Variants in MRPS6 observed in about 807,000 individuals in gnomAD.
The protein encoded by MRPS6 is small ribosomal subunit protein bS6m.
Under a neutral mutation model 13.1 loss-of-function variants are expected in MRPS6, and 6 were observed. The observed-to-expected ratio is 0.46, with a 90% CI of 0.25 to 0.91. MRPS6 has a LOEUF of 0.91. Ranked by LOEUF, MRPS6 falls within the 40% of genes least tolerant of loss-of-function variation. MRPS6 has a pLI of 0.18. For missense variants in MRPS6, 164 were observed against 155.6 expected, an observed-to-expected ratio of 1.05 and a Z score of -0.29; for synonymous variants, 61 against 56.5, an observed-to-expected ratio of 1.08 and a Z score of -0.36.
intron 2 of MRPS6, among the ~76,000 whole-genome samples, chr21:34,135,046 A>G (rs918110079): frequency 3.3e-5 from 5 of 151,974 alleles, no homozygotes; most frequent in African/African-American, 1.2e-4. Context: ...ATGGTATTGG[A>G]CCCCTTTTAC....
intron 1 of MRPS6, among the ~76,000 whole-genome samples, 157 bp downstream of exon 1, chr21:34,073,902 G>A (rs1480012027): frequency 6.9e-6 from 1 of 145,736 alleles, no homozygotes; most frequent in Non-Finnish European, 1.5e-5. Flanking sequence ...TCCGCGGGAA[G>A]GGGGCGCGCG....
At chr21:34,101,331 A>G in intron 1 of MRPS6, 1 of 1,000,184 alleles carries the variant, frequency 1.0e-6, no homozygotes, top group African/African-American at 1.7e-5. Context: ...AGCTTTTTAA[A>G]CCCTGGTTTG....
intron 1 of MRPS6, among the ~76,000 whole-genome samples, chr21:34,117,863 A>T (rs1233738965): frequency 6.6e-6 from 1 of 152,064 alleles, no homozygotes; most frequent in African/African-American, 2.4e-5. Context: ...CCCCATAAAG[A>T]TGCGTGATGT....
chr21:34,135,723 G>A lies in MRPS6; in HGVS notation c.186-6685G>A, dbSNP rs1980672633. 3 of 418,314 alleles carry A rather than the reference G, an allele frequency of 7.2e-6. No homozygotes were observed. In the East Asian group the frequency reaches 1.8e-4, roughly 25 times the overall value. The allele number at this position is 418,314 out of a possible 1,614,324, so 25.9% of individuals were successfully genotyped here. ...TGATGGTGTTCACCAGGACCTGGAGGTGAGGGTTCTCGCCTGTGAGCAGGT... is the reference window on the plus strand; with the variant it reads ...TGATGGTGTTCACCAGGACCTGGAGATGAGGGTTCTCGCCTGTGAGCAGGT... On this transcript the variant is annotated intron_variant, in intron 2 of 2. Coordinates refer to ENST00000399312, the MANE Select transcript of MRPS6 (RefSeq NM_032476.4).
intron 2 of MRPS6, chr21:34,135,794 T>C: frequency 1.9e-6 from 1 of 520,868 alleles, no homozygotes; most frequent in Non-Finnish European, 3.8e-6. Context: ...GTCATGAGCT[T>C]CTTGCTGTTG....
At chr21:34,106,857 A>G (rs781225424) in intron 1 of MRPS6, among the ~76,000 whole-genome samples, 7 of 151,768 alleles carry the variant, frequency 4.6e-5, no homozygotes, top group Non-Finnish European at 1.0e-4. Flanking sequence ...AGTTCATTGC[A>G]TTTAGCTTTT....
At chr21:34,074,329 T>TA (rs991387476) in intron 1 of MRPS6, among the ~76,000 whole-genome samples, 22 of 151,860 alleles carry the variant, frequency 1.4e-4, no homozygotes, top group East Asian at 5.8e-4. Flanking sequence ...GCTCTCATGT[T>TA]AAAAAAAAAT....
intron 1 of MRPS6, among the ~76,000 whole-genome samples, chr21:34,116,674 G>A (rs573307592): frequency 1.9e-3 from 294 of 152,182 alleles, no homozygotes; most frequent in African/African-American, 6.9e-3. Flanking sequence ...CTAGTTGACT[G>A]CCTGGCTCTA....
chr21:34,101,384 G>T, intron 1 of MRPS6: 2 of 1,000,150 alleles, frequency 2.0e-6, no homozygotes, highest in Non-Finnish European at 2.4e-6. Flanking sequence ...CCACAGTAGA[G>T]ATAATTTAGT....
At chr21:34,129,253 G>A (rs1238392169) in intron 2 of MRPS6, among the ~76,000 whole-genome samples, 2 of 152,066 alleles carry the variant, frequency 1.3e-5, no homozygotes, top group Admixed American at 1.3e-4. Context: ...AGGGCTGCAC[G>A]GAGCTTATGG....
intron 2 of MRPS6, among the ~76,000 whole-genome samples, chr21:34,140,073 T>C (rs956610752): frequency 1.3e-5 from 2 of 152,192 alleles, no homozygotes; most frequent in African/African-American, 4.8e-5. Context: ...ATCTTCTCCA[T>C]GAACTAGTGT....
chr21:34,073,683 C>T lies in MRPS6; in HGVS notation c.-18C>T, dbSNP rs751080694. The T allele has an allele frequency of 1.3e-6, 2 of 1,517,124 alleles. No individual in the cohort carries two copies. The highest frequency in any genetic ancestry group is 1.8e-6 in the Non-Finnish European group (2 of 1,124,926). The allele number at this position is 1,517,124 out of a possible 1,614,324, so 94.0% of individuals were successfully genotyped here. ...GGAACCGGCTGGCTTCCGAGCCGCA[C>T]TCGCCGATCCTCCAGGCATGCCCCG... On this transcript the variant is annotated 5_prime_UTR_variant, in exon 1 of 3. Coordinates refer to ENST00000399312, the MANE Select transcript of MRPS6 (RefSeq NM_032476.4).
chr21:34,095,990 C>T, intron 1 of MRPS6: 1 of 1,614,160 alleles, frequency 6.2e-7, no homozygotes. Flanking sequence ...GGCCTGGATT[C>T]ATTCTTGGGC....
intron 1 of MRPS6, chr21:34,101,847 A>G (rs1177518232): frequency 3.0e-6 from 3 of 999,826 alleles, no homozygotes; most frequent in Middle Eastern, 5.2e-4. Flanking sequence ...GCACTGTTTT[A>G]TTCTCAAAAC....
chr21:34,095,615 C>G, intron 1 of MRPS6: 1 of 1,613,714 alleles, frequency 6.2e-7, no homozygotes, highest in Non-Finnish European at 8.5e-7. Flanking sequence ...TCACCAAGCT[C>G]TCGGTGGATC....
chr21:34,075,529 A>G (rs1989307000), intron 1 of MRPS6, among the ~76,000 whole-genome samples: 1 of 152,124 alleles, frequency 6.6e-6, no homozygotes, highest in South Asian at 2.1e-4. Context: ...AAATCTTCGC[A>G]TGAGGGAAGG....
chr21:34,125,044 T>C (rs1980251963), intron 1 of MRPS6: 2 of 264,120 alleles, frequency 7.6e-6, no homozygotes, highest in Non-Finnish European at 7.1e-6. Context: ...CGAGGTGCTC[T>C]GAAGAAGCCA....
At chr21:34,137,265 T>C (rs1602969655) in intron 2 of MRPS6, among the ~76,000 whole-genome samples, 1 of 152,352 alleles carries the variant, frequency 6.6e-6, no homozygotes, top group Middle Eastern at 3.4e-3. Flanking sequence ...TTTGTTTAAC[T>C]TGGAGAGGGT....
intron 1 of MRPS6, among the ~76,000 whole-genome samples, chr21:34,109,379 T>C (rs1047101293): frequency 6.6e-6 from 1 of 152,220 alleles, no homozygotes; most frequent in Non-Finnish European, 1.5e-5. Flanking sequence ...ATCTTTAGAA[T>C]AAGTCAAGCT....
Sources: gnomAD v4.1 joint callset for allele counts (sites outside exome capture counted in the v4.1 genomes callset) on GRCh38, gnomAD v4.1.1 for gene constraint, MANE v1.5 for transcripts, NCBI Gene and HGNC (gene_info 2026-07-23, HGNC 2026-07-21) for gene names.